SLC6A17: variants seen among roughly 807,000 people sequenced by gnomAD.
The protein encoded by SLC6A17 is solute carrier family 6 member 17, also known as sodium-dependent neutral amino acid transporter SLC6A17.
In SLC6A17, 21 loss-of-function variants were observed where a neutral mutation model predicts 64.5. The ratio of observed to expected loss-of-function variants is 0.33; its 90% CI spans 0.23 to 0.47. The LOEUF (loss-of-function observed/expected upper bound fraction) is 0.47, where lower values mean the gene tolerates loss of function less well. SLC6A17 is among the 20% of genes least tolerant of loss of function. SLC6A17 has a pLI of 1.00. For missense variants in SLC6A17, 682 were observed against 963.2 expected, an observed-to-expected ratio of 0.71 and a Z score of 3.86; for synonymous variants, 372 against 399.5, an observed-to-expected ratio of 0.93 and a Z score of 0.82.
intron 1 of SLC6A17, among the ~76,000 whole-genome samples, chr1:110,166,523 T>G (rs1656059585): frequency 6.6e-6 from 1 of 152,242 alleles, no homozygotes; most frequent in South Asian, 2.1e-4. Flanking sequence ...GCTTGAGCAC[T>G]CTAAGCTCTG....
rs759980882 is a variant in SLC6A17, at chr1:110,194,682, A to G, written c.1403A>G (p.Asn468Ser). 1.2e-6 allele frequency: 2 copies of G among 1,614,068 alleles called. No individual in the cohort carries two copies. The highest frequency in any genetic ancestry group is 1.7e-5 in the Admixed American group (1 of 60,006). The change falls in exon 9 of 12, where the codon AAC (asparagine) becomes AGC (serine). Residue 468 changes from asparagine (N) to serine (S), a missense_variant. Around this residue, in one of 3 missense-constraint regions of SLC6A17, gnomAD observed 415 missense variants for 603.8 expected, o/e 0.69. Coordinates refer to ENST00000331565, the MANE Select transcript of SLC6A17 (RefSeq NM_001010898.4). ...WSVMFFLMLI[N>S]LGLGSMIGTM... ...GTCATGTTCTTCTTGATGCTTATCA[A>G]CCTGGGCCTGGGCAGCATGATCGGG...
At chr1:110,170,810 A>G (rs1371554517) in intron 2 of SLC6A17, among the ~76,000 whole-genome samples, 1 of 151,780 alleles carries the variant, frequency 6.6e-6, no homozygotes, top group African/African-American at 2.4e-5. Context: ...ATTCCTCAGC[A>G]TGTATGTGCA....
intron 1 of SLC6A17, among the ~76,000 whole-genome samples, chr1:110,155,339 A>G (rs1260686451): frequency 6.6e-6 from 1 of 152,232 alleles, no homozygotes; most frequent in Non-Finnish European, 1.5e-5. Context: ...TTTAAAAAAT[A>G]CATAGTTAGA....
intron 2 of SLC6A17, among the ~76,000 whole-genome samples, chr1:110,171,760 C>T (rs1656230852): frequency 6.6e-6 from 1 of 152,102 alleles, no homozygotes; most frequent in African/African-American, 2.4e-5. Flanking sequence ...CATGTGGATT[C>T]TGGAGAGGCA....
chr1:110,161,827 G>GA (rs1242750329), intron 1 of SLC6A17, among the ~76,000 whole-genome samples: 2 of 152,180 alleles, frequency 1.3e-5, no homozygotes, highest in African/African-American at 4.8e-5. Flanking sequence ...GCCAGGGTGA[G>GA]AGCAGCCATC....
intron 2 of SLC6A17, among the ~76,000 whole-genome samples, chr1:110,168,483 T>C (rs934740025): frequency 6.6e-6 from 1 of 152,232 alleles, no homozygotes; most frequent in Non-Finnish European, 1.5e-5. Flanking sequence ...CATAGCATGT[T>C]ATATTAGCTG....
At chr1:110,176,808 A>T (rs1374738967) in intron 6 of SLC6A17, 69 bp downstream of exon 6, 6 of 1,333,126 alleles carry the variant, frequency 4.5e-6, no homozygotes, top group Non-Finnish European at 6.3e-6. Context: ...AGCTTCCTGC[A>T]ATTTCATGGA....
In SLC6A17 at chr1:110,191,968, A is replaced by G. The variant is rs960463775; in HGVS notation, c.865-4A>G. 3 of 1,612,846 alleles carry G rather than the reference A, an allele frequency of 1.9e-6. No individual in the cohort carries two copies. The highest frequency in any genetic ancestry group is 1.3e-5 in the African/African-American group (1 of 74,860). ...CTTCCTCCTGCCTTGGTCTTCTGCC[A>G]TAGCTGGACAAGATGCTGGACCCCC... On this transcript the variant is annotated splice_polypyrimidine_tract_variant and splice_region_variant and intron_variant, in intron 6 of 11. Transcript: ENST00000331565.
At chr1:110,190,278 T>G (rs1656790790) in intron 6 of SLC6A17, among the ~76,000 whole-genome samples, 1 of 152,184 alleles carries the variant, frequency 6.6e-6, no homozygotes, top group South Asian at 2.1e-4. Flanking sequence ...TTGTGCTGGA[T>G]GGGGGACCTT....
Position 110,192,319 on chromosome 1 carries a change from T to G in SLC6A17, c.1106+106T>G, listed in dbSNP as rs1656848585. Reference sequence around the variant, plus strand: ...GCATGGGGAGAGAGGTCCCCTCCACTCAGACTGAGGAATGGAGATCAGAGG... The same window carrying G: ...GCATGGGGAGAGAGGTCCCCTCCACGCAGACTGAGGAATGGAGATCAGAGG... On this transcript the variant is annotated intron_variant, in intron 7 of 11. Transcript: ENST00000331565. The surrounding 1 kb of genome is among the most constrained non-coding windows in gnomAD (Gnocchi z 4.3). 6.6e-6 allele frequency: 10 copies of G among 1,517,222 alleles called. No homozygotes were observed. The highest frequency in any genetic ancestry group is 8.9e-6 in the Non-Finnish European group (10 of 1,121,158). 94.0% of individuals were successfully genotyped at this position (1,517,222 alleles called of 1,614,324 possible).
At chr1:110,185,674 A>G (rs1473295274) in intron 6 of SLC6A17, among the ~76,000 whole-genome samples, 2 of 152,346 alleles carry the variant, frequency 1.3e-5, no homozygotes, top group Non-Finnish European at 2.9e-5. Flanking sequence ...TCTTGCAGTC[A>G]CATCCTGATG....
Position 110,197,572 on chromosome 1 carries a change from G to A in SLC6A17, c.1788G>A (p.Pro596=), listed in dbSNP as rs953869138. 3 of 1,607,754 alleles carry A rather than the reference G, an allele frequency of 1.9e-6. No individual in the cohort carries two copies. Among genetic ancestry groups the A allele is most frequent in the Non-Finnish European group, 1.7e-6 (2 of 1,177,406 alleles). The part of the protein sequence containing the change: ...ASIIQLGVTP[P]GYSAWIKEEA... ...TCATCCAGCTGGGGGTCACGCCCCCGGGCTACAGCGCCTGGATCAAGGAGG... is the reference window on the plus strand; with the variant it reads ...TCATCCAGCTGGGGGTCACGCCCCCAGGCTACAGCGCCTGGATCAAGGAGG... Residue 596 remains proline, a synonymous_variant, in exon 11 of 12, where the codon CCG becomes CCA. Coordinates refer to ENST00000331565, the MANE Select transcript of SLC6A17 (RefSeq NM_001010898.4).
chr1:110,154,530 C>T (rs1655704140), intron 1 of SLC6A17, among the ~76,000 whole-genome samples: 1 of 152,196 alleles, frequency 6.6e-6, no homozygotes, highest in South Asian at 2.1e-4. Context: ...GTTTGGGGAA[C>T]ATGGTATTTG....
chr1:110,165,190 G>A (rs1159780183), intron 1 of SLC6A17, among the ~76,000 whole-genome samples: 3 of 152,176 alleles, frequency 2.0e-5, no homozygotes, highest in African/African-American at 7.2e-5. Context: ...CCCAGGCAAG[G>A]ACACAGGCCT....
Position 110,198,490 on chromosome 1 carries a change from C to G in SLC6A17, c.*46C>G, listed in dbSNP as rs868099034. 4 of 1,567,550 alleles carry G rather than the reference C, an allele frequency of 2.6e-6. No individual in the cohort carries two copies. The Middle Eastern group carries it at 7.0e-4, about 275-fold the overall frequency. ...GCCTCTCCCCCCACGCTCAACCTGC[C>G]CACTTGTCCAGGCCTGGCCTCTTTC... On this transcript the variant is annotated 3_prime_UTR_variant, in exon 12 of 12. Transcript: ENST00000331565.
chr1:110,170,932 C>T (rs1156842688), intron 2 of SLC6A17, among the ~76,000 whole-genome samples: 2 of 152,114 alleles, frequency 1.3e-5, no homozygotes, highest in East Asian at 3.9e-4. Flanking sequence ...GTGAACTGTT[C>T]TAGGATGGTG....
At chr1:110,153,055 G>A (rs1344837575) in intron 1 of SLC6A17, among the ~76,000 whole-genome samples, 1 of 152,148 alleles carries the variant, frequency 6.6e-6, no homozygotes, top group Non-Finnish European at 1.5e-5. Flanking sequence ...GATTAGTGTT[G>A]GGGTAGGGGT....
At chr1:110,185,229 G>A (rs1185437692) in intron 6 of SLC6A17, among the ~76,000 whole-genome samples, 2 of 152,234 alleles carry the variant, frequency 1.3e-5, no homozygotes, top group Non-Finnish European at 2.9e-5. Context: ...CCTCCCCAAT[G>A]GGGTTGTCGG....
intron 6 of SLC6A17, among the ~76,000 whole-genome samples, chr1:110,189,567 C>A (rs1656773081): frequency 6.6e-6 from 1 of 152,240 alleles, no homozygotes; most frequent in African/African-American, 2.4e-5. Flanking sequence ...TGTGTCCCCA[C>A]TTCTTTAAAC....
Sources: allele counts gnomAD v4.1 joint callset (sites outside exome capture counted in the v4.1 genomes callset), GRCh38; gene constraint gnomAD v4.1.1; regional missense constraint gnomAD v4.1.1; non-coding constraint Gnocchi (gnomAD v3.1); transcripts MANE v1.5; gene names NCBI Gene and HGNC (gene_info 2026-07-23, HGNC 2026-07-21).